SPAG16: variants seen among roughly 807,000 people sequenced by gnomAD.
SPAG16 encodes sperm-associated antigen 16 protein.
Under a neutral mutation model 80.4 loss-of-function variants are expected in SPAG16, and 86 were observed. The observed-to-expected ratio is 1.07, with a 90% CI of 0.90 to 1.28. SPAG16 has a LOEUF of 1.28. Ranked by LOEUF, SPAG16 falls within the 50% of genes most tolerant of loss-of-function variation. SPAG16 has a pLI of 0.00. For missense variants in SPAG16, 870 were observed against 765.3 expected, an observed-to-expected ratio of 1.14 and a Z score of -1.61; for synonymous variants, 294 against 265.9, an observed-to-expected ratio of 1.11 and a Z score of -1.03.
rs142099575 is a variant in SPAG16, at chr2:214,092,496, T to C, written c.1528-15700T>C. 3.9e-3 allele frequency among the ~76,000 whole-genome samples: 550 copies of C among 142,376 alleles called. 4 individuals carry two copies. Among genetic ancestry groups the C allele is most frequent in the Middle Eastern group, 0.015 (4 of 266 alleles). The allele number at this position is 142,376 out of a possible 152,430, so 93.4% of individuals were successfully genotyped here. On this transcript the variant is annotated intron_variant, in intron 13 of 15. Transcript: ENST00000331683. ...TATCCTTTGTCTGTGTTACTATGAA[T>C]ATATATATAAATATATATATATATA... is the stretch of plus-strand genomic sequence containing the variant.
At chr2:214,054,749 A>C (rs1328868189) in intron 13 of SPAG16, among the ~76,000 whole-genome samples, 1 of 152,186 alleles carries the variant, frequency 6.6e-6, no homozygotes, top group Admixed American at 6.5e-5. Context: ...ATCTCAGCCC[A>C]AAGATATATT....
In SPAG16 at chr2:213,337,952, A is replaced by G. The variant is rs1003720143; in HGVS notation, c.537-2211A>G. ...CTCCAGGGCTGAAATAAAGGAAAAA[A>G]TGTTAAGGGCAGCCAGAGAGAAAGT... On this transcript the variant is annotated intron_variant, in intron 5 of 15. Coordinates refer to ENST00000331683, the MANE Select transcript of SPAG16 (RefSeq NM_024532.5). Among the ~76,000 whole-genome samples the G allele has an allele frequency of 2.0e-5, 3 of 152,170 alleles. No homozygotes were observed. The East Asian group carries it at 5.8e-4, about 29-fold the overall frequency.
chr2:214,056,497 G>T (rs1221800252), intron 13 of SPAG16, among the ~76,000 whole-genome samples: 1 of 148,952 alleles, frequency 6.7e-6, no homozygotes, highest in African/African-American at 2.5e-5. Flanking sequence ...TTTAAAAAAT[G>T]AGCATTCCTT....
chr2:214,150,750 T>C (rs535817607), intron 15 of SPAG16, among the ~76,000 whole-genome samples: 9 of 151,644 alleles, frequency 5.9e-5, no homozygotes, highest in Non-Finnish European at 1.3e-4. Flanking sequence ...TAGCCATGTA[T>C]TTTATTGTCA....
rs529204252 is a variant in SPAG16, at chr2:214,052,935, C to T, written c.1527+38858C>T. Reference sequence around the variant, plus strand: ...AAGACAAGAAGGCAAAAACTGAAAACGTCTTCTCTAGAAATGACAGAGTTT... The same window carrying T: ...AAGACAAGAAGGCAAAAACTGAAAATGTCTTCTCTAGAAATGACAGAGTTT... On this transcript the variant is annotated intron_variant, in intron 13 of 15. Transcript: ENST00000331683. 8.5e-5 allele frequency among the ~76,000 whole-genome samples: 13 copies of T among 152,318 alleles called. No homozygotes were observed. In the East Asian group the frequency reaches 1.5e-3, roughly 18 times the overall value.
At chr2:213,350,823 A>C (rs759249462) in intron 7 of SPAG16, among the ~76,000 whole-genome samples, 178 bp downstream of exon 7, 1 of 152,172 alleles carries the variant, frequency 6.6e-6, no homozygotes, top group African/African-American at 2.4e-5. Context: ...AACTACCTAT[A>C]AAGATTATTA....
intron 10 of SPAG16, among the ~76,000 whole-genome samples, chr2:213,515,856 G>T (rs1483115492): frequency 2.0e-5 from 3 of 152,140 alleles, no homozygotes. Flanking sequence ...AAAAGAAATT[G>T]TTGCATTGTG....
At chr2:214,405,658 G>C (rs182116726) in intron 15 of SPAG16, among the ~76,000 whole-genome samples, 1 of 152,084 alleles carries the variant, frequency 6.6e-6, no homozygotes, top group Admixed American at 6.5e-5. Context: ...TTAGCTGGCC[G>C]TGGTGGCAGG....
intron 10 of SPAG16, among the ~76,000 whole-genome samples, chr2:213,859,608 A>G (rs1042903421): frequency 2.0e-5 from 3 of 152,228 alleles, no homozygotes; most frequent in Non-Finnish European, 2.9e-5. Flanking sequence ...CATAGAAATA[A>G]TAAATGATTG....
intron 15 of SPAG16, among the ~76,000 whole-genome samples, chr2:214,263,229 A>G (rs557435851): frequency 2.6e-5 from 4 of 152,212 alleles, no homozygotes; most frequent in African/African-American, 9.6e-5. Flanking sequence ...AGGTGCAATG[A>G]CCCCACACAT....
intron 11 of SPAG16, among the ~76,000 whole-genome samples, chr2:213,883,396 C>T (rs963558910): frequency 3.3e-5 from 5 of 151,962 alleles, no homozygotes; most frequent in African/African-American, 7.3e-5. Context: ...TGATTTTAAT[C>T]TTTTTTTAAT....
intron 10 of SPAG16, among the ~76,000 whole-genome samples, chr2:213,755,902 G>GA (rs1456617413): frequency 3.3e-5 from 5 of 152,258 alleles, no homozygotes; most frequent in African/African-American, 1.2e-4. Context: ...TAAAATAGTA[G>GA]AAAAGAATAT....
At chr2:213,802,345 C>T (rs2071463090) in intron 10 of SPAG16, among the ~76,000 whole-genome samples, 1 of 152,118 alleles carries the variant, frequency 6.6e-6, no homozygotes, top group African/African-American at 2.4e-5. Context: ...ATCTGATTAA[C>T]AGAATATCTG....
chr2:213,938,937 T>G (rs567203268), intron 12 of SPAG16, among the ~76,000 whole-genome samples: 29 of 152,262 alleles, frequency 1.9e-4, no homozygotes, highest in Admixed American at 1.4e-3. Flanking sequence ...TCCCATTGTC[T>G]GACATGAGTT....
chr2:214,120,975 T>C (rs1214703758), intron 14 of SPAG16, among the ~76,000 whole-genome samples: 2 of 151,792 alleles, frequency 1.3e-5, no homozygotes, highest in African/African-American at 4.8e-5. Flanking sequence ...CTGATTCCTT[T>C]CTCCATTATG....
chr2:213,826,214 A>T (rs375958155), intron 10 of SPAG16, among the ~76,000 whole-genome samples: 63 of 151,410 alleles, frequency 4.2e-4, no homozygotes, highest in African/African-American at 1.4e-3. Context: ...TTGTTTCATT[A>T]ATCTTTTGTA....
At chr2:214,107,030 C>T (rs2053420327) in intron 13 of SPAG16, among the ~76,000 whole-genome samples, 1 of 152,008 alleles carries the variant, frequency 6.6e-6, no homozygotes, top group Non-Finnish European at 1.5e-5. Context: ...TCTTGGCTAA[C>T]TCCCTTACTA....
chr2:213,340,943 G>T (rs1365980647), intron 6 of SPAG16, among the ~76,000 whole-genome samples: 1 of 152,094 alleles, frequency 6.6e-6, no homozygotes, highest in African/African-American at 2.4e-5. Flanking sequence ...CTCTGTATCT[G>T]TACTGTCCAA....
At chr2:213,735,050 C>G (rs2125436835) in intron 10 of SPAG16, among the ~76,000 whole-genome samples, 1 of 152,074 alleles carries the variant, frequency 6.6e-6, no homozygotes, top group South Asian at 2.1e-4. Flanking sequence ...GTACTGCAGC[C>G]CTTGAGAAGT....
Sources: gnomAD v4.1 joint callset for allele counts (sites outside exome capture counted in the v4.1 genomes callset) on GRCh38, gnomAD v4.1.1 for gene constraint, MANE v1.5 for transcripts, NCBI Gene and HGNC (gene_info 2026-07-23, HGNC 2026-07-21) for gene names.